GMEB2: variants seen among roughly 807,000 people sequenced by gnomAD.
GMEB2 encodes the protein glucocorticoid modulatory element-binding protein 2.
Under a neutral mutation model 45.7 loss-of-function variants are expected in GMEB2, and 7 were observed. That is an observed-to-expected ratio of 0.15 (90% CI 0.09 to 0.29). The LOEUF is 0.29. Among genes scored for constraint, GMEB2 ranks in the 10% least tolerant of loss-of-function variants. The pLI, the probability that GMEB2 is intolerant of heterozygous loss-of-function variation, is 1.00. For missense variants in GMEB2, 582 were observed against 739.2 expected, an observed-to-expected ratio of 0.79 and a Z score of 2.47; for synonymous variants, 322 against 323.6, an observed-to-expected ratio of 1.00 and a Z score of 0.05.
chr20:63,592,288 C>CTCTCTAGGCTG lies in GMEB2; in HGVS notation c.830-145_830-144insCAGCCTAGAGA. The stretch of plus-strand genomic sequence containing the variant: ...GGGCTCTTCCTAGAGAGTGAGAACA[C>CTCTCTAGGCTG]CACCACTGAGGCTGCTCCTCAGGAA... On this transcript the variant is annotated intron_variant, in intron 8 of 9. Coordinates refer to ENST00000370077, the MANE Select transcript of GMEB2 (RefSeq NM_012384.5). The surrounding 1 kb of genome is among the most constrained non-coding windows in gnomAD (Gnocchi z 8.2). 1.3e-6 allele frequency: 1 copy of CTCTCTAGGCTG among 792,648 alleles called. No individual in the cohort carries two copies. The highest frequency in any genetic ancestry group is 2.0e-6 in the Non-Finnish European group (1 of 503,926). 49.1% of individuals were successfully genotyped at this position (792,648 alleles called of 1,614,324 possible).
intron 5 of GMEB2, 75 bp downstream of exon 5, chr20:63,597,682 C>T (rs1408162261): frequency 1.1e-6 from 1 of 875,562 alleles, no homozygotes; most frequent in Non-Finnish European, 1.9e-6. Context: ...TCTTCAAAAT[C>T]CCAAAACCCC....
chr20:63,607,263 C>G (rs71191630), intron 2 of GMEB2, among the ~76,000 whole-genome samples: 99 of 118,834 alleles, frequency 8.3e-4, no homozygotes, highest in African/African-American at 1.2e-3. Flanking sequence ...ACATGCCCCT[C>G]TGACCCCACA....
chr20:63,595,860 G>A (rs1337896822), intron 5 of GMEB2, 93 bp from the exon 6 acceptor site: 1 of 1,186,434 alleles, frequency 8.4e-7, no homozygotes, highest in Non-Finnish European at 1.2e-6. Flanking sequence ...CACCTGCGTG[G>A]GGCAGGCCTA....
Position 63,590,591 on chromosome 20 carries a change from G to A in GMEB2, c.1091C>T (p.Ala364Val), listed in dbSNP as rs759961897. Residue 364 changes from alanine (A) to valine (V), a missense_variant, in exon 10 of 10, where the codon GCC becomes GTC. Transcript: ENST00000370077. The stretch of plus-strand genomic sequence containing the variant: ...GGCCATGGCGGCCGGTCCTGATGTG[G>A]CACGTGCAAGCCGGGGCCGCTTCAC... ...PPVKRPRLAR[A>V]TSGPAAMASQ... 6.3e-7 allele frequency: 1 copy of A among 1,589,192 alleles called. No individual in the cohort carries two copies. Among genetic ancestry groups the A allele is most frequent in the Non-Finnish European group, 8.6e-7 (1 of 1,166,870 alleles).
chr20:63,619,195 A>T lies in GMEB2; in HGVS notation c.131+72T>A. The stretch of plus-strand genomic sequence containing the variant: ...CCTGACACTTGTCCCTTACTACGTT[A>T]ATGCCAGCTGTGCCAAGGACAGCCC... On this transcript the variant is annotated intron_variant, in intron 2 of 9. Coordinates refer to ENST00000370077, the MANE Select transcript of GMEB2 (RefSeq NM_012384.5). This position sits in a 1 kb window ranked among gnomAD's most constrained non-coding sequence, Gnocchi z 4.6. 2 of 1,409,544 alleles carry T rather than the reference A, an allele frequency of 1.4e-6. No individual in the cohort carries two copies. Among genetic ancestry groups the T allele is most frequent in the Non-Finnish European group, 9.4e-7 (1 of 1,058,246 alleles). 87.3% of individuals were successfully genotyped at this position (1,409,544 alleles called of 1,614,324 possible).
intron 1 of GMEB2, among the ~76,000 whole-genome samples, chr20:63,621,323 G>A (rs540407117): frequency 3.9e-5 from 6 of 152,262 alleles, no homozygotes; most frequent in South Asian, 2.1e-4. Context: ...AATGGACGGC[G>A]GTGATGGCTG....
intron 1 of GMEB2, among the ~76,000 whole-genome samples, chr20:63,623,634 C>A (rs2089652707): frequency 6.7e-6 from 1 of 149,498 alleles, no homozygotes; most frequent in South Asian, 2.1e-4. Context: ...CCCGTCTCTA[C>A]TAAAAATACA....
intron 4 of GMEB2, among the ~76,000 whole-genome samples, chr20:63,602,118 C>T (rs2083246709): frequency 6.6e-6 from 1 of 152,254 alleles, no homozygotes; most frequent in African/African-American, 2.4e-5. Context: ...TACTTGAAAC[C>T]TGAGATAAAG....
chr20:63,594,917 T>C (rs1332790292), intron 6 of GMEB2, among the ~76,000 whole-genome samples: 1 of 152,132 alleles, frequency 6.6e-6, no homozygotes, highest in Non-Finnish European at 1.5e-5. Flanking sequence ...CCCGGCTAAC[T>C]TCTGTACTTT....
chr20:63,613,573 G>A (rs959119694), intron 2 of GMEB2, among the ~76,000 whole-genome samples: 18 of 148,312 alleles, frequency 1.2e-4, no homozygotes, highest in Non-Finnish European at 2.5e-4. Context: ...AGGCTGGAGT[G>A]CAGTGGCACA....
chr20:63,605,479 T>C (rs2089511291), intron 2 of GMEB2, among the ~76,000 whole-genome samples: 1 of 145,072 alleles, frequency 6.9e-6, no homozygotes, highest in Non-Finnish European at 1.5e-5. Context: ...GTGGGGATTG[T>C]GTCACCGCAC....
chr20:63,595,826 C>G (rs576434628), intron 5 of GMEB2, 59 bp from the exon 6 acceptor site: 2 of 1,545,536 alleles, frequency 1.3e-6, no homozygotes, highest in African/African-American at 2.7e-5. Flanking sequence ...GGCACCTGGC[C>G]CGCCCACCCT....
rs537300619 is a variant in GMEB2, at chr20:63,626,017, C to A, written c.-58+939G>T. On this transcript the variant is annotated intron_variant, in intron 1 of 9. Transcript: ENST00000370077. ...TCTGGTTCAACAGAAAAGTCAGTCA[C>A]GACTTTTCAGTCACGCATGAATTAC... Among the ~76,000 whole-genome samples, 503 of 152,358 alleles carry A rather than the reference C, an allele frequency of 3.3e-3. 1 individual carries two copies. The highest frequency in any genetic ancestry group is 5.6e-3 in the African/African-American group (233 of 41,588).
chr20:63,590,649 T>C lies in GMEB2; in HGVS notation c.1033A>G (p.Met345Val), dbSNP rs748271190. Residue 345 changes from methionine (M) to valine (V), a missense_variant, in exon 10 of 10, where the codon ATG becomes GTG. Met to Val is a conservative substitution (Grantham distance 21). Around this residue, in one of 3 missense-constraint regions of GMEB2, gnomAD observed 462 missense variants for 586.7 expected, o/e 0.79. Transcript: ENST00000370077. Reference sequence around the variant, plus strand: ...GGCAGGGAGACCGGCGTCAGCGTCATGAGCACGTTGCTGAGGTGCTGGGAC... The same window carrying C: ...GGCAGGGAGACCGGCGTCAGCGTCACGAGCACGTTGCTGAGGTGCTGGGAC... Reference protein sequence around the residue: ...HKSQHLSNVLMTLTPVSLPPP... With the variant: ...HKSQHLSNVLVTLTPVSLPPP... 5 of 1,579,882 alleles carry C rather than the reference T, an allele frequency of 3.2e-6. No homozygotes were observed.
chr20:63,621,475 G>A (rs749237045), intron 1 of GMEB2, among the ~76,000 whole-genome samples: 4 of 151,974 alleles, frequency 2.6e-5, no homozygotes, highest in Non-Finnish European at 5.9e-5. Flanking sequence ...AGACCATCCT[G>A]GCCAACACAG....
intron 2 of GMEB2, among the ~76,000 whole-genome samples, chr20:63,618,615 G>C (rs2089624907): frequency 6.6e-6 from 1 of 152,192 alleles, no homozygotes; most frequent in African/African-American, 2.4e-5. Flanking sequence ...CCACACATGA[G>C]ACACAGCAAG....
intron 4 of GMEB2, among the ~76,000 whole-genome samples, chr20:63,602,357 C>G (rs562906666): frequency 2.6e-5 from 4 of 152,262 alleles, no homozygotes; most frequent in African/African-American, 7.2e-5. Context: ...CAGTCACCAC[C>G]CAGCACGCAC....
At chr20:63,626,505 G>A (rs1172428513) in intron 1 of GMEB2, among the ~76,000 whole-genome samples, 2 of 147,466 alleles carry the variant, frequency 1.4e-5, no homozygotes, top group African/African-American at 2.5e-5. Context: ...TCCCTGTGGG[G>A]TGGTCCCTGT....
At chr20:63,613,563 AG>A (rs2089586230) in intron 2 of GMEB2, among the ~76,000 whole-genome samples, 1 of 142,340 alleles carries the variant, frequency 7.0e-6, no homozygotes, top group South Asian at 2.2e-4. Flanking sequence ...TCTGTCACCC[AG>A]GCTGGAGTGC....
Sources: allele counts gnomAD v4.1 joint callset (sites outside exome capture counted in the v4.1 genomes callset), GRCh38; gene constraint gnomAD v4.1.1; regional missense constraint gnomAD v4.1.1; non-coding constraint Gnocchi (gnomAD v3.1); transcripts MANE v1.5; gene names NCBI Gene and HGNC (gene_info 2026-07-23, HGNC 2026-07-21).